The following NRXN1 variants were observed in gnomAD, a reference collection of about 807,000 sequenced individuals.
NRXN1 encodes neurexin-1.
In NRXN1, 39 loss-of-function variants were observed where a neutral mutation model predicts 150.9. The observed-to-expected ratio is 0.26, with a 90% CI of 0.20 to 0.34. The LOEUF (loss-of-function observed/expected upper bound fraction) is 0.34, where lower values mean the gene tolerates loss of function less well. NRXN1 is among the 10% of genes least tolerant of loss of function. The pLI is 1.00. For missense variants in NRXN1, 1,815 were observed against 1,949.9 expected, an observed-to-expected ratio of 0.93 and a Z score of 1.30; for synonymous variants, 924 against 757.0, an observed-to-expected ratio of 1.22 and a Z score of -3.62.
intron 2 of NRXN1, among the ~76,000 whole-genome samples, chr2:50,949,531 TC>T (rs1690954996): frequency 6.6e-6 from 1 of 152,054 alleles, no homozygotes. Flanking sequence ...TTCTGCTTCA[TC>T]TCTAGAATGA....
intron 2 of NRXN1, among the ~76,000 whole-genome samples, chr2:51,011,122 C>T (rs1667788988): frequency 6.6e-6 from 1 of 151,996 alleles, no homozygotes; most frequent in South Asian, 2.1e-4. Flanking sequence ...AAATCATATA[C>T]TTCATTTTAA....
chr2:51,028,666 A>C lies in NRXN1; in HGVS notation c.-393T>G. The C allele has an allele frequency of 5.7e-6, 1 of 175,394 alleles. No homozygotes were observed. Among genetic ancestry groups the C allele is most frequent in the Non-Finnish European group, 1.2e-5 (1 of 84,092 alleles). The allele number at this position is 175,394 out of a possible 1,614,324, so 10.9% of individuals were successfully genotyped here. On this transcript the variant is annotated 5_prime_UTR_variant, in exon 2 of 23. It adds an upstream start codon to the 5' untranslated region. Coordinates refer to ENST00000401669, the MANE Select transcript of NRXN1 (RefSeq NM_001330078.2). ...GTGTCAACAGATACTTAACTCCTCA[A>C]ATCCCATTATCTGCCAGGTTCCACC...
At chr2:50,491,591 G>C (rs905998371) in intron 15 of NRXN1, among the ~76,000 whole-genome samples, 1 of 152,200 alleles carries the variant, frequency 6.6e-6, no homozygotes, top group Non-Finnish European at 1.5e-5. Flanking sequence ...GACAATGCCA[G>C]AGCTCAAAAT....
At chr2:50,529,551 T>A (rs985458356) in intron 11 of NRXN1, among the ~76,000 whole-genome samples, 1 of 152,226 alleles carries the variant, frequency 6.6e-6, no homozygotes, top group Non-Finnish European at 1.5e-5. Context: ...GTTTGGGTTT[T>A]ATTATTTAAT....
intron 20 of NRXN1, 22 bp from the exon 21 acceptor site, chr2:50,053,612 C>T (rs1319637796): frequency 9.9e-6 from 16 of 1,611,520 alleles, no homozygotes; most frequent in Admixed American, 1.7e-5. Flanking sequence ...ATATTACATA[C>T]ATGCAAAAAT....
intron 5 of NRXN1, among the ~76,000 whole-genome samples, chr2:50,655,669 G>A (rs551760090): frequency 4.0e-4 from 61 of 151,078 alleles, no homozygotes; most frequent in South Asian, 3.3e-3. Context: ...TTTTCTTTTG[G>A]GGGGGGAGGG....
At chr2:50,370,484 T>C (rs187275750) in intron 17 of NRXN1, among the ~76,000 whole-genome samples, 1 of 152,042 alleles carries the variant, frequency 6.6e-6, no homozygotes, top group African/African-American at 2.4e-5. Flanking sequence ...CTTTCTGGCA[T>C]GTCTGTATGT....
At chr2:50,884,824 A>C (rs13019472) in intron 5 of NRXN1, among the ~76,000 whole-genome samples, 1 of 122,430 alleles carries the variant, frequency 8.2e-6, no homozygotes, top group African/African-American at 2.7e-5. Context: ...ACTGTTTTTT[A>C]AAAAAAAAAT....
intron 17 of NRXN1, among the ~76,000 whole-genome samples, chr2:50,291,084 C>T (rs1194871551): frequency 2.7e-5 from 4 of 148,592 alleles, no homozygotes; most frequent in Admixed American, 6.8e-5. Context: ...TGCTTACTGT[C>T]GGAAGGAAAG....
At chr2:50,668,141 C>T (rs1688332432) in intron 5 of NRXN1, among the ~76,000 whole-genome samples, 2 of 151,940 alleles carry the variant, frequency 1.3e-5, no homozygotes, top group African/African-American at 4.8e-5. Context: ...TCAACAAAGC[C>T]TCCATTTTAC....
chr2:50,862,669 G>A (rs1468096111), intron 5 of NRXN1, among the ~76,000 whole-genome samples: 1 of 152,062 alleles, frequency 6.6e-6, no homozygotes, highest in East Asian at 1.9e-4. Context: ...GTACATGACT[G>A]CTGTTTATTG....
intron 18 of NRXN1, among the ~76,000 whole-genome samples, chr2:50,220,445 C>CT (rs1390368310): frequency 6.6e-6 from 1 of 151,862 alleles, no homozygotes; most frequent in African/African-American, 2.4e-5. Context: ...AATACAAATG[C>CT]TTTTTCTGGC....
chr2:50,471,834 A>G (rs2089496516), intron 16 of NRXN1, among the ~76,000 whole-genome samples: 1 of 151,816 alleles, frequency 6.6e-6, no homozygotes, highest in Non-Finnish European at 1.5e-5. Context: ...CCCCTATGAC[A>G]CAAGTTGACC....
intron 17 of NRXN1, among the ~76,000 whole-genome samples, chr2:50,345,410 G>A (rs952044341): frequency 6.6e-6 from 1 of 152,210 alleles, no homozygotes. Context: ...GCTCAGGGCA[G>A]AGCAAACTCA....
chr2:50,164,815 G>T (rs376356219), intron 18 of NRXN1, among the ~76,000 whole-genome samples: 3 of 152,008 alleles, frequency 2.0e-5, no homozygotes, highest in Non-Finnish European at 2.9e-5. Flanking sequence ...TCCGTTCTCC[G>T]TCAAAACACC....
At chr2:50,351,566 C>T (rs572998016) in intron 17 of NRXN1, among the ~76,000 whole-genome samples, 5 of 152,204 alleles carry the variant, frequency 3.3e-5, no homozygotes, top group African/African-American at 9.6e-5. Context: ...TACCTGAACA[C>T]GCCTCACTTC....
chr2:50,780,165 T>C (rs1483455793), intron 5 of NRXN1, among the ~76,000 whole-genome samples: 2 of 152,248 alleles, frequency 1.3e-5, no homozygotes, highest in Non-Finnish European at 2.9e-5. Flanking sequence ...ATAAATGTCT[T>C]CTTTTGATAA....
chr2:50,453,239 CAT>C (rs963529427), intron 17 of NRXN1, among the ~76,000 whole-genome samples: 12 of 150,482 alleles, frequency 8.0e-5, no homozygotes, highest in African/African-American at 2.7e-4. Flanking sequence ...GCTCCTAAAA[CAT>C]AGATTTCAGA....
intron 17 of NRXN1, among the ~76,000 whole-genome samples, chr2:50,337,275 G>A (rs1362663529): frequency 6.6e-6 from 1 of 151,774 alleles, no homozygotes; most frequent in African/African-American, 2.4e-5. Context: ...AGTACGGATG[G>A]GGTTTCTCTA....
Sources: allele counts gnomAD v4.1 joint callset (sites outside exome capture counted in the v4.1 genomes callset), GRCh38; gene constraint gnomAD v4.1.1; transcripts MANE v1.5; gene names NCBI Gene and HGNC (gene_info 2026-07-23, HGNC 2026-07-21).